Variants in GPC5 observed in about 807,000 individuals in gnomAD.
GPC5 encodes glypican-5.
In GPC5, 47 loss-of-function variants were observed where a neutral mutation model predicts 53.9. That is an observed-to-expected ratio of 0.87 (90% confidence interval 0.69 to 1.11). The LOEUF is 1.11. GPC5 is among the 50% of genes most tolerant of loss of function. The pLI, the probability that GPC5 is intolerant of heterozygous loss-of-function variation, is 0.00. For missense variants in GPC5, 748 were observed against 713.1 expected (o/e 1.05, Z -0.56); for synonymous variants, 286 against 263.3 (o/e 1.09, Z -0.84).
In GPC5 at chr13:92,866,575, C is replaced by G; in HGVS notation, c.*136C>G. 1 of 676,894 alleles carries G rather than the reference C, an allele frequency of 1.5e-6. No individual in the cohort carries two copies. The highest frequency in any genetic ancestry group is 2.3e-6 in the Non-Finnish European group (1 of 442,072). 41.9% of individuals were successfully genotyped at this position (676,894 alleles called of 1,614,324 possible). A position where few individuals can be genotyped will look rare whatever the true frequency, so the allele number is the denominator to read the frequency against. On this transcript the variant is annotated 3_prime_UTR_variant, in exon 8 of 8. Transcript: ENST00000377067. ...ATATGTTACACTAACTTCTCAGAAG[C>G]CAAGCTGAAATATTCATAAAGTCCC...
chr13:92,443,661 G>A (rs1288211925), intron 7 of GPC5, among the ~76,000 whole-genome samples: 1 of 152,160 alleles, frequency 6.6e-6, no homozygotes, highest in Non-Finnish European at 1.5e-5. Context: ...GAGTGACAAA[G>A]GGGCAAGGTA....
chr13:91,989,529 T>C (rs951043110), intron 6 of GPC5, among the ~76,000 whole-genome samples: 16 of 152,230 alleles, frequency 1.1e-4, no homozygotes, highest in African/African-American at 3.1e-4. Flanking sequence ...TTAATGAATG[T>C]ATGGTTATTG....
intron 6 of GPC5, among the ~76,000 whole-genome samples, chr13:91,930,186 A>G (rs1434872187): frequency 2.6e-5 from 4 of 152,036 alleles, no homozygotes; most frequent in African/African-American, 9.7e-5. Flanking sequence ...AGCCATGGGC[A>G]TTGTTTTGTT....
intron 2 of GPC5, among the ~76,000 whole-genome samples, chr13:91,593,372 T>C (rs2032875269): frequency 6.6e-6 from 1 of 152,246 alleles, no homozygotes; most frequent in Non-Finnish European, 1.5e-5. Flanking sequence ...TTCCTGGGTA[T>C]GTCTAGTCAG....
At chr13:91,907,263 A>G (rs1265138954) in intron 5 of GPC5, among the ~76,000 whole-genome samples, 3 of 149,010 alleles carry the variant, frequency 2.0e-5, no homozygotes, top group Non-Finnish European at 3.0e-5. Context: ...AATGTGTTCA[A>G]GCTTATTTTA....
At chr13:91,638,829 A>G (rs949291946) in intron 2 of GPC5, among the ~76,000 whole-genome samples, 1 of 152,180 alleles carries the variant, frequency 6.6e-6, no homozygotes, top group East Asian at 1.9e-4. Context: ...TCAATGTCCT[A>G]TTTTCTAAAA....
rs188914657 is a variant in GPC5, at chr13:92,497,456, G to C, written c.1561+352467G>C. The stretch of plus-strand genomic sequence containing the variant: ...TCTGAGGTCTCTGTTCTGTTCCATT[G>C]GTCTATATGTCTGTTTTCATACCAG... On this transcript the variant is annotated intron_variant, in intron 7 of 7. Coordinates refer to ENST00000377067, the MANE Select transcript of GPC5 (RefSeq NM_004466.6). Among the ~76,000 whole-genome samples, 24 of 152,164 alleles carry C rather than the reference G, an allele frequency of 1.6e-4. No homozygotes were observed. The East Asian group carries it at 4.3e-3, about 27-fold the overall frequency.
intron 7 of GPC5, among the ~76,000 whole-genome samples, chr13:92,692,754 A>ATT (rs71272284): frequency 0.067 from 5,462 of 80,932 alleles, 523 homozygotes; most frequent in South Asian, 0.2. Flanking sequence ...AATATCGGCT[A>ATT]TTTTTTTTTT....
At chr13:92,449,426 A>G in intron 7 of GPC5, among the ~76,000 whole-genome samples, 1 of 152,172 alleles carries the variant, frequency 6.6e-6, no homozygotes, top group Admixed American at 6.6e-5. Context: ...CACATGCAAT[A>G]CAGAGAATGG....
intron 7 of GPC5, among the ~76,000 whole-genome samples, chr13:92,830,388 G>A (rs1242424968): frequency 2.0e-5 from 3 of 151,610 alleles, no homozygotes; most frequent in Non-Finnish European, 4.4e-5. Flanking sequence ...GAGTTCAGGG[G>A]CTTGGTTCAC....
chr13:92,300,751 T>C (rs550975184), intron 7 of GPC5, among the ~76,000 whole-genome samples: 12 of 152,310 alleles, frequency 7.9e-5, no homozygotes, highest in African/African-American at 2.6e-4. Context: ...TTGTGTAAGC[T>C]TTTCTTCTAT....
At chr13:92,484,615 G>A (rs913661807) in intron 7 of GPC5, 1 of 152,100 alleles carries the variant, frequency 6.6e-6, no homozygotes, top group Non-Finnish European at 1.5e-5. Context: ...TGACTGAAAT[G>A]TGCTTATGCA....
intron 1 of GPC5, among the ~76,000 whole-genome samples, chr13:91,404,502 C>T (rs1594042112): frequency 6.6e-6 from 1 of 152,346 alleles, no homozygotes; most frequent in South Asian, 2.1e-4. Flanking sequence ...TCCTGACCTT[C>T]AACTAGAAGA....
chr13:92,805,696 C>T (rs1877071596), intron 7 of GPC5, among the ~76,000 whole-genome samples: 1 of 151,926 alleles, frequency 6.6e-6, no homozygotes, highest in African/African-American at 2.4e-5. Context: ...GTTTGGTCTC[C>T]CAAAGTGCTG....
chr13:91,609,739 C>A (rs929590888), intron 2 of GPC5, among the ~76,000 whole-genome samples: 2 of 152,166 alleles, frequency 1.3e-5, no homozygotes, highest in Non-Finnish European at 2.9e-5. Flanking sequence ...AACTTTGGAA[C>A]CCCCAAAGCA....
At position 92,158,053 on chromosome 13, in the gene GPC5, A is replaced by G. The variant is rs551148702; in HGVS notation, c.1561+13064A>G. 1.1e-4 allele frequency among the ~76,000 whole-genome samples: 17 copies of G among 152,344 alleles called. 1 individual carries two copies. In the South Asian group the frequency reaches 2.1e-3, roughly 19 times the overall value. ...ATTATATGGGGATTTTCTTAAGAAT[A>G]TCATCTTAGAAATTATAGCTGAGCT... is the stretch of plus-strand genomic sequence containing the variant. On this transcript the variant is annotated intron_variant, in intron 7 of 7. Coordinates refer to ENST00000377067, the MANE Select transcript of GPC5 (RefSeq NM_004466.6).
intron 7 of GPC5, among the ~76,000 whole-genome samples, chr13:92,641,259 C>T (rs1266280451): frequency 6.6e-6 from 1 of 152,100 alleles, no homozygotes; most frequent in Non-Finnish European, 1.5e-5. Context: ...GGATATGGTA[C>T]CCCGAGAAGG....
intron 7 of GPC5, among the ~76,000 whole-genome samples, chr13:92,614,590 C>T (rs566013054): frequency 6.6e-5 from 10 of 152,262 alleles, no homozygotes; most frequent in African/African-American, 2.4e-4. Flanking sequence ...GCAGAGAAAA[C>T]CATCCGCTTA....
At position 92,068,665 on chromosome 13, in the gene GPC5, TA is replaced by T. The variant is rs577101983; in HGVS notation, c.1402-76159del. On this transcript the variant is annotated intron_variant, in intron 6 of 7. Transcript: ENST00000377067. ...TCCATTCTATTCCTAGTTTGCATAT[TA>T]AAAAATATTTTCTGTATCCATTGAG... Among the ~76,000 whole-genome samples, 4 of 151,572 alleles carry T rather than the reference TA, an allele frequency of 2.6e-5. No individual in the cohort carries two copies. The South Asian group carries it at 6.2e-4, about 24-fold the overall frequency.
Sources: gnomAD v4.1 joint callset for allele counts (sites outside exome capture counted in the v4.1 genomes callset) on GRCh38, gnomAD v4.1.1 for gene constraint, MANE v1.5 for transcripts, NCBI Gene and HGNC (gene_info 2026-07-23, HGNC 2026-07-21) for gene names.